Variants in ANKRD42 observed in about 807,000 individuals in gnomAD.
ANKRD42 encodes ankyrin repeat domain-containing protein 42.
Under a neutral mutation model 51.5 loss-of-function variants are expected in ANKRD42, and 43 were observed. The observed-to-expected ratio is 0.83, with a 90% CI of 0.65 to 1.08. The LOEUF is 1.08. Ranked by LOEUF, ANKRD42 falls within the 50% of genes least tolerant of loss-of-function variation. The pLI, the probability that ANKRD42 is intolerant of heterozygous loss-of-function variation, is 0.00. For missense variants in ANKRD42, 608 were observed against 629.3 expected (o/e 0.97, Z 0.36); for synonymous variants, 203 against 213.0 (o/e 0.95, Z 0.41).
intron 8 of ANKRD42, among the ~76,000 whole-genome samples, chr11:83,237,790 G>A (rs552235551): frequency 2.6e-5 from 4 of 152,280 alleles, no homozygotes; most frequent in African/African-American, 4.8e-5. Context: ...GAGTTTTGAT[G>A]TATGCGTATC....
At chr11:83,231,138 G>A (rs1251282297) in intron 7 of ANKRD42, among the ~76,000 whole-genome samples, 1 of 152,160 alleles carries the variant, frequency 6.6e-6, no homozygotes, top group Non-Finnish European at 1.5e-5. Flanking sequence ...CCTCCAAACT[G>A]TTCTTCATAG....
intron 3 of ANKRD42, among the ~76,000 whole-genome samples, chr11:83,208,059 T>C (rs879756340): frequency 1.3e-5 from 2 of 152,216 alleles, no homozygotes; most frequent in Non-Finnish European, 2.9e-5. Context: ...GGTCTTGCTC[T>C]GTCACCCTGG....
At chr11:83,211,983 G>C (rs1269425995) in intron 5 of ANKRD42, among the ~76,000 whole-genome samples, 7 of 151,940 alleles carry the variant, frequency 4.6e-5, no homozygotes, top group Non-Finnish European at 5.9e-5. Context: ...ATTAAACATA[G>C]ATTTGCTCTT....
At chr11:83,200,874 C>T (rs1353037721) in intron 2 of ANKRD42, among the ~76,000 whole-genome samples, 1 of 152,186 alleles carries the variant, frequency 6.6e-6, no homozygotes, top group Non-Finnish European at 1.5e-5. Context: ...TCTCTAACCT[C>T]ATCTCCCATC....
rs568670115 is a variant in ANKRD42 at position 83,240,652 on chromosome 11, G to A, written c.1020-107G>A. 6.0e-4 allele frequency: 753 copies of A among 1,245,606 alleles called. 1 individual carries two copies. The highest frequency in any genetic ancestry group is 7.3e-4 in the Non-Finnish European group (662 of 902,368). 77.2% of individuals were successfully genotyped at this position (1,245,606 alleles called of 1,614,324 possible). A position where few individuals can be genotyped will look rare whatever the true frequency, so the allele number is the denominator to read the frequency against. On this transcript the variant is annotated intron_variant, in intron 8 of 10. Transcript: ENST00000533342. Reference sequence around the variant, plus strand: ...ATTTTGGCTCCTTGGCTGGTGAGTGGATTGATGGCAGGGTGTACAGAGTGT... The same window carrying A: ...ATTTTGGCTCCTTGGCTGGTGAGTGAATTGATGGCAGGGTGTACAGAGTGT...
chr11:83,203,432 C>T (rs1257580725), intron 2 of ANKRD42, among the ~76,000 whole-genome samples: 7 of 130,494 alleles, frequency 5.4e-5, no homozygotes, highest in Middle Eastern at 5.4e-3. Flanking sequence ...CTTGCTCTGT[C>T]GCCCAGGCTG....
downstream of ANKRD42, chr11:83,259,196 A>G (rs899603209): frequency 2.0e-5 from 3 of 152,228 alleles, no homozygotes; most frequent in African/African-American, 7.2e-5. Context: ...AAAGATACGT[A>G]TAATTGCTGT....
At chr11:83,253,521 G>T (rs527373128), downstream of ANKRD42, among the ~76,000 whole-genome samples, 1 of 151,814 alleles carries the variant, frequency 6.6e-6, no homozygotes, top group Non-Finnish European at 1.5e-5. Context: ...GTTCTTTCAG[G>T]GCAAAAAAAT....
At chr11:83,206,388 T>C (rs1246547102) in intron 3 of ANKRD42, among the ~76,000 whole-genome samples, 1 of 152,196 alleles carries the variant, frequency 6.6e-6, no homozygotes, top group East Asian at 1.9e-4. Flanking sequence ...GTCTGCGTTG[T>C]TTTAAGAGAT....
At chr11:83,238,074 T>G (rs186882450) in intron 8 of ANKRD42, among the ~76,000 whole-genome samples, 1 of 152,332 alleles carries the variant, frequency 6.6e-6, no homozygotes, top group African/African-American at 2.4e-5. Flanking sequence ...TACAGCTGAG[T>G]AGAATTCCAT....
Position 83,198,622 on chromosome 11 carries a change from G to A in ANKRD42, c.202G>A (p.Ala68Thr). ...LHKFTPLHWA[A>T]HSGSLECLHW... ...TAAGTTTACCCCTTTACATTGGGCAGCACATTCTGGAAGTTTGGAGGTAAG... is the reference window on the plus strand; with the variant it reads ...TAAGTTTACCCCTTTACATTGGGCAACACATTCTGGAAGTTTGGAGGTAAG... The change falls in exon 2 of 11, where the codon GCA (alanine) becomes ACA (threonine). Residue 68 changes from alanine (A) to threonine (T), a missense_variant. Coordinates refer to ENST00000533342, the MANE Select transcript of ANKRD42 (RefSeq NM_001300975.2). 1 of 1,600,924 alleles carries A rather than the reference G, an allele frequency of 6.2e-7. No homozygotes were observed. Among genetic ancestry groups the A allele is most frequent in the Non-Finnish European group, 8.5e-7 (1 of 1,173,340 alleles).
chr11:83,210,302 T>A lies in ANKRD42; in HGVS notation c.333T>A (p.Ala111=). Reference sequence around the variant, plus strand: ...CTTTCCTATTTCTCTATTTTTAGGCTCTTATAATGAATGGAGCAAATCTGA... The same window carrying A: ...CTTTCCTATTTCTCTATTTTTAGGCACTTATAATGAATGGAGCAAATCTGA... ...AIRGQDACVQ[A]LIMNGANLTA... is the part of the protein sequence containing the mutation. Residue 111 remains alanine, a splice_region_variant and synonymous_variant, in exon 4 of 11, where the codon GCT becomes GCA. Transcript: ENST00000533342. The A allele has an allele frequency of 6.2e-7, 1 of 1,613,482 alleles. No homozygotes were observed. Among genetic ancestry groups the A allele is most frequent in the Non-Finnish European group, 8.5e-7 (1 of 1,179,470 alleles).
chr11:83,225,084 TATA>T (rs1471457941), intron 6 of ANKRD42, 29 bp downstream of exon 6: 8 of 1,562,226 alleles, frequency 5.1e-6, no homozygotes, highest in Non-Finnish European at 6.1e-6. Flanking sequence ...TGTTCTAGCA[TATA>T]ATGTGATGAT....
intron 7 of ANKRD42, among the ~76,000 whole-genome samples, chr11:83,231,540 G>A (rs1863071903): frequency 6.6e-6 from 1 of 152,134 alleles, no homozygotes; most frequent in Non-Finnish European, 1.5e-5. Context: ...TTGCTGTGCA[G>A]AAGCTTTTTA....
chr11:83,254,662 C>T (rs1863735373), intron 11 of ANKRD42, among the ~76,000 whole-genome samples: 1 of 152,150 alleles, frequency 6.6e-6, no homozygotes, highest in South Asian at 2.1e-4. Flanking sequence ...CTCAAGTGAT[C>T]TGCCTGCCTT....
chr11:83,220,396 A>G (rs1028719805), intron 5 of ANKRD42, among the ~76,000 whole-genome samples: 2 of 152,072 alleles, frequency 1.3e-5, no homozygotes, highest in African/African-American at 4.8e-5. Flanking sequence ...AAGAGGTCCG[A>G]TTGTATTCAC....
At chr11:83,225,173 G>T in intron 6 of ANKRD42, 118 bp downstream of exon 6, 1 of 781,382 alleles carries the variant, frequency 1.3e-6, no homozygotes, top group Non-Finnish European at 1.9e-6. Context: ...TACGTTATAT[G>T]TAAAAATATA....
intron 2 of ANKRD42, among the ~76,000 whole-genome samples, chr11:83,205,527 A>G (rs1441497606): frequency 6.6e-6 from 1 of 152,202 alleles, no homozygotes; most frequent in Non-Finnish European, 1.5e-5. Context: ...TATTATATTG[A>G]GATTTAGATT....
intron 5 of ANKRD42, chr11:83,213,418 A>G (rs1565182728): frequency 2.0e-6 from 3 of 1,536,680 alleles, no homozygotes; most frequent in Non-Finnish European, 1.7e-6. Flanking sequence ...GCTCATGTGC[A>G]TGTTTTGTGT....
Sources: allele counts gnomAD v4.1 joint callset (sites outside exome capture counted in the v4.1 genomes callset), GRCh38; gene constraint gnomAD v4.1.1; transcripts MANE v1.5; gene names NCBI Gene and HGNC (gene_info 2026-07-23, HGNC 2026-07-21).